Variants in SLCO3A1 observed in about 807,000 individuals in gnomAD.
The protein encoded by SLCO3A1 is solute carrier organic anion transporter family member 3A1.
In SLCO3A1, 27 loss-of-function variants were observed where a neutral mutation model predicts 63.1. The observed-to-expected ratio is 0.43, with a 90% confidence interval of 0.32 to 0.59. The LOEUF is 0.59. Ranked by LOEUF, SLCO3A1 falls within the 20% of genes least tolerant of loss-of-function variation. SLCO3A1 has a pLI of 0.09. For synonymous variants in SLCO3A1, 473 were observed against 409.9 expected (o/e 1.15, Z -1.86); for missense variants, 773 against 945.8 (o/e 0.82, Z 2.40).
At chr15:91,928,678 C>G (rs1318092374) in intron 2 of SLCO3A1, among the ~76,000 whole-genome samples, 1 of 152,176 alleles carries the variant, frequency 6.6e-6, no homozygotes, top group Non-Finnish European at 1.5e-5. Flanking sequence ...AATGGTGAGG[C>G]GTTTCTAGGC....
At chr15:92,036,822 C>T (rs1397054645) in intron 2 of SLCO3A1, among the ~76,000 whole-genome samples, 1 of 152,138 alleles carries the variant, frequency 6.6e-6, no homozygotes, top group Non-Finnish European at 1.5e-5. Context: ...TTTCCTTCAA[C>T]AGACCATTAG....
At chr15:92,103,918 A>G (rs2047635807) in intron 3 of SLCO3A1, among the ~76,000 whole-genome samples, 1 of 152,142 alleles carries the variant, frequency 6.6e-6, no homozygotes, top group South Asian at 2.1e-4. Context: ...TACCCGGTGA[A>G]AATCTACCTC....
intron 2 of SLCO3A1, among the ~76,000 whole-genome samples, chr15:91,949,083 C>G (rs1899909102): frequency 6.6e-6 from 1 of 152,144 alleles, no homozygotes. Flanking sequence ...AGTGCTGACC[C>G]TCTGCATGCA....
chr15:91,871,765 G>GTTTTTTTTTTTTTTTTTTTTTTTTT lies in SLCO3A1; in HGVS notation c.180+17697_180+17698insTTTTTTTTTTTTTTTTTTTTTTTTT, dbSNP rs33938693. 6.6e-5 allele frequency among the ~76,000 whole-genome samples: 3 copies of GTTTTTTTTTTTTTTTTTTTTTTTTT among 45,688 alleles called. 1 individual carries two copies. The highest frequency in any genetic ancestry group is 1.1e-4 in the Non-Finnish European group (3 of 26,216). The allele number at this position is 45,688 out of a possible 152,430, so 30.0% of individuals were successfully genotyped here. A position where few individuals can be genotyped will look rare whatever the true frequency, so the allele number is the denominator to read the frequency against. ...GGTGTGCTCATTTTGTTTTTTTTTG[G>GTTTTTTTTTTTTTTTTTTTTTTTTT]TTTTTTTTTTTTTTTTTTTTGGCTG... On this transcript the variant is annotated intron_variant, in intron 1 of 9. Transcript: ENST00000318445.
chr15:92,149,416 T>G (rs976578143), intron 8 of SLCO3A1: 2 of 152,316 alleles, frequency 1.3e-5, no homozygotes, highest in Non-Finnish European at 2.9e-5. Context: ...GGGGCACAGA[T>G]GTGCACCAGC....
At chr15:92,043,917 A>T (rs1390847854) in intron 2 of SLCO3A1, among the ~76,000 whole-genome samples, 2 of 152,068 alleles carry the variant, frequency 1.3e-5, no homozygotes, top group Admixed American at 1.3e-4. Context: ...CGGTTTTTCC[A>T]TCCCCCCTGG....
chr15:92,052,620 G>A (rs1328069669), intron 2 of SLCO3A1, among the ~76,000 whole-genome samples: 1 of 152,102 alleles, frequency 6.6e-6, no homozygotes, highest in Non-Finnish European at 1.5e-5. Flanking sequence ...GTGTTAAAAT[G>A]CATTCCCTTA....
intron 2 of SLCO3A1, among the ~76,000 whole-genome samples, chr15:92,048,542 C>T (rs549116299): frequency 2.2e-4 from 33 of 152,286 alleles, no homozygotes; most frequent in African/African-American, 7.9e-4. Context: ...GGCCTCTACT[C>T]ACTGGATTCT....
intron 5 of SLCO3A1, among the ~76,000 whole-genome samples, chr15:92,122,561 A>G (rs2047875411): frequency 6.6e-6 from 1 of 152,212 alleles, no homozygotes; most frequent in African/African-American, 2.4e-5. Context: ...GGGAATGCAA[A>G]TGGGTGCTGC....
chr15:92,153,506 A>G (rs2048333735), intron 9 of SLCO3A1: 1 of 152,220 alleles, frequency 6.6e-6, no homozygotes, highest in Non-Finnish European at 1.5e-5. Context: ...GGACCCAGTA[A>G]GATTAACCAC....
In SLCO3A1 at chr15:92,082,051, A is replaced by G. The variant is rs551044306; in HGVS notation, c.647-12830A>G. ...TAAACTTTGTGATGGAGATAATTCT[A>G]TTACACAGTGTCTAACACCTAATTT... On this transcript the variant is annotated intron_variant, in intron 2 of 9. Coordinates refer to ENST00000318445, the MANE Select transcript of SLCO3A1 (RefSeq NM_013272.4). 5.3e-5 allele frequency among the ~76,000 whole-genome samples: 8 copies of G among 152,308 alleles called. No individual in the cohort carries two copies. In the South Asian group the frequency reaches 1.0e-3, roughly 20 times the overall value.
At position 91,853,969 on chromosome 15, in the gene SLCO3A1, G is replaced by A. The variant is rs1896844325; in HGVS notation, c.61G>A (p.Asp21Asn). 13 of 1,504,798 alleles carry A rather than the reference G, an allele frequency of 8.6e-6. No individual in the cohort carries two copies. The highest frequency in any genetic ancestry group is 1.4e-5 in the African/African-American group (1 of 69,238). The allele number at this position is 1,504,798 out of a possible 1,614,324, so 93.2% of individuals were successfully genotyped here. A position where few individuals can be genotyped will look rare whatever the true frequency, so the allele number is the denominator to read the frequency against. Residue 21 changes from aspartate (D) to asparagine (N), a missense_variant, in exon 1 of 10, where the codon GAC (aspartate) becomes AAC (asparagine). Coordinates refer to ENST00000318445, the MANE Select transcript of SLCO3A1 (RefSeq NM_013272.4). ...CGGCCGGAGCGGCGAGCTGCAGGGG[G>A]ACGAGGCGCAGAGGAACAAGAAAAA... The part of the protein sequence containing the change: ...GGGRSGELQG[D>N]EAQRNKKKKK...
In SLCO3A1 at chr15:92,101,961, C is replaced by G. The variant is rs190957066; in HGVS notation, c.746-2318C>G. Among the ~76,000 whole-genome samples the G allele has an allele frequency of 2.7e-3, 405 of 152,274 alleles. 3 individuals are homozygous for G. Among genetic ancestry groups the G allele is most frequent in the African/African-American group, 9.4e-3 (390 of 41,550 alleles). ...ACACAAACCACCACCTCCCCCATCGCCATCCCTCTCCCTGGGTTGTTTTCT... is the reference window on the plus strand; with the variant it reads ...ACACAAACCACCACCTCCCCCATCGGCATCCCTCTCCCTGGGTTGTTTTCT... On this transcript the variant is annotated intron_variant, in intron 3 of 9. Coordinates refer to ENST00000318445, the MANE Select transcript of SLCO3A1 (RefSeq NM_013272.4).
At chr15:91,857,428 T>G (rs1265548999) in intron 1 of SLCO3A1, among the ~76,000 whole-genome samples, 1 of 152,208 alleles carries the variant, frequency 6.6e-6, no homozygotes, top group East Asian at 1.9e-4. Flanking sequence ...CTAAACCTCC[T>G]GACTGGCTAT....
chr15:91,872,126 T>A lies in SLCO3A1; in HGVS notation c.180+18038T>A, dbSNP rs1897296224. Among the ~76,000 whole-genome samples, 1 of 152,160 alleles carries A rather than the reference T, an allele frequency of 6.6e-6. No homozygotes were observed. Among genetic ancestry groups the A allele is most frequent in the African/African-American group, 2.4e-5 (1 of 41,426 alleles). On this transcript the variant is annotated intron_variant, in intron 1 of 9. Transcript: ENST00000318445. The surrounding 1 kb of genome is among the most constrained non-coding windows in gnomAD (Gnocchi z 4.1). ...GGAATTGCCTTCGTCGAGGATGTGG[T>A]GTGTGCCCGGGAGGACACAAGCAGT...
chr15:91,988,573 T>C (rs1433021887), intron 2 of SLCO3A1, among the ~76,000 whole-genome samples: 1 of 152,050 alleles, frequency 6.6e-6, no homozygotes, highest in Non-Finnish European at 1.5e-5. Context: ...ATAATCAAAA[T>C]CCTGTGGGTC....
intron 2 of SLCO3A1, among the ~76,000 whole-genome samples, chr15:92,052,822 A>T (rs1344220113): frequency 6.6e-6 from 1 of 151,100 alleles, no homozygotes; most frequent in African/African-American, 2.4e-5. Context: ...ATACATTTTA[A>T]TTTTTTTTTT....
At chr15:91,915,092 A>T (rs898330057) in intron 1 of SLCO3A1, among the ~76,000 whole-genome samples, 27 of 152,144 alleles carry the variant, frequency 1.8e-4, no homozygotes, top group African/African-American at 6.5e-4. Flanking sequence ...AAGCCCTGTA[A>T]GAATGCATCT....
intron 1 of SLCO3A1, chr15:91,908,523 A>C (rs1898382553): frequency 1.3e-5 from 2 of 152,032 alleles, no homozygotes; most frequent in African/African-American, 4.8e-5. Flanking sequence ...TGGAATTCAC[A>C]AGTGAATGCA....
Sources: allele counts gnomAD v4.1 joint callset (sites outside exome capture counted in the v4.1 genomes callset), GRCh38; gene constraint gnomAD v4.1.1; non-coding constraint Gnocchi (gnomAD v3.1); transcripts MANE v1.5; gene names NCBI Gene and HGNC (gene_info 2026-07-23, HGNC 2026-07-21).